Variants in BMP8B observed in about 807,000 individuals in gnomAD.
BMP8B encodes bone morphogenetic protein 8 (osteogenic protein 2).
A neutral mutation model predicts 30.3 loss-of-function variants in BMP8B; 17 were observed. The observed-to-expected ratio is 0.56, with a 90% CI of 0.38 to 0.84. The LOEUF (loss-of-function observed/expected upper bound fraction) is 0.84. BMP8B is among the 40% of genes least tolerant of loss of function. BMP8B has a pLI of 0.00. For missense variants in BMP8B, 253 were observed against 494.6 expected, an observed-to-expected ratio of 0.51 and a Z score of 4.63; for synonymous variants, 131 against 214.7, an observed-to-expected ratio of 0.61 and a Z score of 3.41.
intron 1 of BMP8B, among the ~76,000 whole-genome samples, chr1:39,783,382 C>T (rs1399479476): frequency 6.6e-6 from 1 of 152,164 alleles, no homozygotes; most frequent in Non-Finnish European, 1.5e-5. Context: ...TGAGAAAACA[C>T]TGCGGAAATG....
At chr1:39,778,857 G>C (rs1650417362) in intron 1 of BMP8B, among the ~76,000 whole-genome samples, 1 of 152,212 alleles carries the variant, frequency 6.6e-6, no homozygotes. Flanking sequence ...CCGGGAGGAG[G>C]GGGGCTGGGT....
At chr1:39,769,446 A>C (rs1414569769) in intron 3 of BMP8B, 1 of 418,804 alleles carries the variant, frequency 2.4e-6, no homozygotes, top group African/African-American at 2.0e-5. Context: ...TAAACATCAC[A>C]GAGCAAAGCG....
In BMP8B at chr1:39,788,519, C is replaced by A. The variant is rs1651171396; in HGVS notation, c.-34G>T. 1 of 1,003,778 alleles carries A rather than the reference C, an allele frequency of 1.0e-6. No individual in the cohort carries two copies. The highest frequency in any genetic ancestry group is 1.2e-6 in the Non-Finnish European group (1 of 843,582). 62.2% of individuals were successfully genotyped at this position (1,003,778 alleles called of 1,614,324 possible). ...GGGGGCGCTCAGCTGGGGCGCTCAG[C>A]GGGCGCGCATCGGCTCCGCGGCCGA... On this transcript the variant is annotated 5_prime_UTR_variant, in exon 1 of 7. Transcript: ENST00000372827. The surrounding 1 kb of genome is among the most constrained non-coding windows in gnomAD (Gnocchi z 5.8).
intron 1 of BMP8B, among the ~76,000 whole-genome samples, chr1:39,786,645 CTCT>C (rs1651000557): frequency 1.3e-5 from 2 of 152,156 alleles, no homozygotes; most frequent in African/African-American, 4.8e-5. Context: ...CCATCCACAA[CTCT>C]TCTTGGTCCT....
Position 39,788,447 on chromosome 1 carries a change from C to G in BMP8B, c.39G>C (p.Leu13=). ...ALPGPLWLLG[L]ALCALGGGGP... Reference sequence around the variant, plus strand: ...CGCCCCCGCCCAGCGCGCATAGCGCCAGGCCCAGGAGCCAGAGCGGGCCGG... The same window carrying G: ...CGCCCCCGCCCAGCGCGCATAGCGCGAGGCCCAGGAGCCAGAGCGGGCCGG... The change falls in exon 1 of 7, where the codon CTG becomes CTC. Residue 13 remains leucine (L), a synonymous_variant. Coordinates refer to ENST00000372827, the MANE Select transcript of BMP8B (RefSeq NM_001720.5). The surrounding 1 kb of genome is among the most constrained non-coding windows in gnomAD (Gnocchi z 5.8). 1.9e-6 allele frequency: 2 copies of G among 1,033,696 alleles called. No individual in the cohort carries two copies. Among genetic ancestry groups the G allele is most frequent in the Non-Finnish European group, 2.3e-6 (2 of 862,868 alleles). 64.0% of individuals were successfully genotyped at this position (1,033,696 alleles called of 1,614,324 possible).
At chr1:39,769,477 G>T (rs1457089944) in intron 3 of BMP8B, 8 of 507,814 alleles carry the variant, frequency 1.6e-5, no homozygotes, top group East Asian at 1.5e-4. Context: ...CCTCACCACT[G>T]CAGACCTGCG....
At chr1:39,786,183 A>G (rs1458669808) in intron 1 of BMP8B, among the ~76,000 whole-genome samples, 4 of 152,238 alleles carry the variant, frequency 2.6e-5, no homozygotes, top group Non-Finnish European at 4.4e-5. Flanking sequence ...GAAAGTTCAC[A>G]TGCTACTTTT....
chr1:39,769,065 C>A (rs1332419832), intron 3 of BMP8B, among the ~76,000 whole-genome samples: 1 of 147,468 alleles, frequency 6.8e-6, no homozygotes. Flanking sequence ...TGATGTGCGC[C>A]TGTAGTCCCA....
rs570331986 is a variant in BMP8B at position 39,771,299 on chromosome 1, C to A, written c.673+3009G>T. 9.6e-3 allele frequency: 13,799 copies of A among 1,436,970 alleles called. 94 individuals are homozygous for A. Among genetic ancestry groups the A allele is most frequent in the Non-Finnish European group, 0.011 (12,345 of 1,098,720 alleles). 89.0% of individuals were successfully genotyped at this position (1,436,970 alleles called of 1,614,324 possible). On this transcript the variant is annotated intron_variant, in intron 3 of 6. Coordinates refer to ENST00000372827, the MANE Select transcript of BMP8B (RefSeq NM_001720.5). ...GCCAGGACAGGTGGTGTGAGCCCTG[C>A]GTGCGCCTCGGGCCGCGCGTCACAG...
intron 3 of BMP8B, among the ~76,000 whole-genome samples, chr1:39,766,295 A>G (rs1649609834): frequency 6.8e-6 from 1 of 146,442 alleles, no homozygotes; most frequent in Admixed American, 6.7e-5. Flanking sequence ...GTCTCTTTAA[A>G]CAGTGCCAGT....
intron 1 of BMP8B, among the ~76,000 whole-genome samples, chr1:39,782,616 T>C (rs230322): frequency 0.65 from 99,310 of 151,764 alleles, 32,703 homozygotes; most frequent in Middle Eastern, 0.79. Context: ...TACAGGCGCC[T>C]GCCACCACAG....
chr1:39,764,297 G>A (rs1300965191), intron 4 of BMP8B, among the ~76,000 whole-genome samples: 1 of 151,358 alleles, frequency 6.6e-6, no homozygotes, highest in Non-Finnish European at 1.5e-5. Flanking sequence ...ATCCCACAGG[G>A]TGCCCAGGCA....
At chr1:39,776,743 AT>A (rs1314526806) in intron 1 of BMP8B, among the ~76,000 whole-genome samples, 1 of 152,246 alleles carries the variant, frequency 6.6e-6, no homozygotes, top group African/African-American at 2.4e-5. Context: ...GTTTTTCTAA[AT>A]AAATGTATTC....
chr1:39,781,497 C>T (rs1650634742), intron 1 of BMP8B, among the ~76,000 whole-genome samples: 1 of 152,222 alleles, frequency 6.6e-6, no homozygotes, highest in Non-Finnish European at 1.5e-5. Context: ...AGGTAGCTCT[C>T]CCATTTTACA....
intron 6 of BMP8B, among the ~76,000 whole-genome samples, chr1:39,760,812 A>G (rs1429577949): frequency 1.3e-5 from 2 of 152,156 alleles, no homozygotes; most frequent in African/African-American, 2.4e-5. Flanking sequence ...CAGGTGGGCA[A>G]GGCGCTAATG....
intron 1 of BMP8B, among the ~76,000 whole-genome samples, chr1:39,777,829 G>A (rs114548304): frequency 0.067 from 10,249 of 151,874 alleles, 393 homozygotes; most frequent in Middle Eastern, 0.17. Context: ...CTGTCCCTCC[G>A]GCCTCTTGTG....
At chr1:39,775,114 C>T in intron 1 of BMP8B, 76 bp from the exon 2 acceptor site, 1 of 1,564,886 alleles carries the variant, frequency 6.4e-7, no homozygotes, top group Non-Finnish European at 8.7e-7. Flanking sequence ...GTGTGAGCCA[C>T]CGCCCCCAGC....
intron 1 of BMP8B, among the ~76,000 whole-genome samples, chr1:39,778,902 C>T (rs1483923376): frequency 6.6e-6 from 1 of 151,820 alleles, no homozygotes; most frequent in East Asian, 2.0e-4. Context: ...CCCGGAAGAG[C>T]CCCCATCAGC....
At chr1:39,769,858 G>C (rs777436275) in intron 3 of BMP8B, 1 of 1,611,886 alleles carries the variant, frequency 6.2e-7, no homozygotes, top group Admixed American at 1.7e-5. Context: ...TCTCGGTGAT[G>C]ATGCGGTCCA....
Sources: allele counts gnomAD v4.1 joint callset (sites outside exome capture counted in the v4.1 genomes callset), GRCh38; gene constraint gnomAD v4.1.1; non-coding constraint Gnocchi (gnomAD v3.1); transcripts MANE v1.5; gene names NCBI Gene and HGNC (gene_info 2026-07-23, HGNC 2026-07-21).